The following KIF26B variants were observed in gnomAD, a reference collection of about 807,000 sequenced individuals.
KIF26B encodes kinesin family member 26B.
Under a neutral mutation model 151.2 loss-of-function variants are expected in KIF26B, and 63 were observed. The observed-to-expected ratio is 0.42, with a 90% CI of 0.34 to 0.51. The LOEUF is 0.51. KIF26B is among the 20% of genes least tolerant of loss of function. The pLI is 0.07. For synonymous variants in KIF26B, 1,357 were observed against 1,262.1 expected, an observed-to-expected ratio of 1.08 and a Z score of -1.59; for missense variants, 2,813 against 2,913.6, an observed-to-expected ratio of 0.97 and a Z score of 0.79.
chr1:245,380,664 C>A (rs1673385506), intron 3 of KIF26B, among the ~76,000 whole-genome samples: 1 of 152,172 alleles, frequency 6.6e-6, no homozygotes, highest in South Asian at 2.1e-4. Context: ...AAACACAGGT[C>A]TCCCATGCAT....
At chr1:245,221,822 A>C (rs1373601516) in intron 2 of KIF26B, among the ~76,000 whole-genome samples, 1 of 152,234 alleles carries the variant, frequency 6.6e-6, no homozygotes, top group Non-Finnish European at 1.5e-5. Context: ...GTAAAATTTT[A>C]AATGTGATTG....
rs1670174261 is a variant in KIF26B at position 245,239,524 on chromosome 1, G to C, written c.465+82841G>C. On this transcript the variant is annotated intron_variant, in intron 2 of 14. Coordinates refer to ENST00000407071, the MANE Select transcript of KIF26B (RefSeq NM_018012.4). The surrounding 1 kb of genome is among the most constrained non-coding windows in gnomAD (Gnocchi z 4.3). ...TGTTTGGGTTTTCATTGTTGTTTTA[G>C]ACAGAGTCTCTCTCTGTCGCCCAGG... 6.6e-6 allele frequency among the ~76,000 whole-genome samples: 1 copy of C among 152,092 alleles called. No individual in the cohort carries two copies. The highest frequency in any genetic ancestry group is 2.1e-4 in the South Asian group (1 of 4,818).
At chr1:245,480,832 C>G (rs1660153903) in intron 4 of KIF26B, among the ~76,000 whole-genome samples, 1 of 150,664 alleles carries the variant, frequency 6.6e-6, no homozygotes. Context: ...GATAGAAACC[C>G]TTAGAATCAT....
chr1:245,632,067 C>A (rs369559933), intron 9 of KIF26B, among the ~76,000 whole-genome samples: 363 of 151,854 alleles, frequency 2.4e-3, no homozygotes, highest in South Asian at 0.01. Context: ...TTTATTCTTT[C>A]TTCTGATTTT....
chr1:245,345,363 T>A (rs79890026), intron 2 of KIF26B, among the ~76,000 whole-genome samples: 2 of 152,118 alleles, frequency 1.3e-5, no homozygotes, highest in African/African-American at 2.4e-5. Flanking sequence ...TCTAACCACC[T>A]CGAGCCTTGC....
At chr1:245,487,786 CA>C (rs11315762) in intron 4 of KIF26B, among the ~76,000 whole-genome samples, 141,155 of 143,140 alleles carry the variant, frequency 0.99, 69,634 homozygotes, top group Middle Eastern at 1. Context: ...TTTTTTGAGA[CA>C]AGAGTCTCGC....
In KIF26B at chr1:245,241,140, G is replaced by A. The variant is rs759938997; in HGVS notation, c.465+84457G>A. 6.6e-5 allele frequency among the ~76,000 whole-genome samples: 10 copies of A among 152,164 alleles called. No individual in the cohort carries two copies. The highest frequency in any genetic ancestry group is 1.0e-4 in the Non-Finnish European group (7 of 68,032). ...CATCGGTAGTGAGCAGTTTCTTCCCGTTACCAGTAAATGTCGGAATTTCCT... is the reference window on the plus strand; with the variant it reads ...CATCGGTAGTGAGCAGTTTCTTCCCATTACCAGTAAATGTCGGAATTTCCT... On this transcript the variant is annotated intron_variant, in intron 2 of 14. Coordinates refer to ENST00000407071, the MANE Select transcript of KIF26B (RefSeq NM_018012.4). This position sits in a 1 kb window ranked among gnomAD's most constrained non-coding sequence, Gnocchi z 5.0.
At chr1:245,588,672 T>A (rs970839636) in intron 5 of KIF26B, among the ~76,000 whole-genome samples, 3 of 152,222 alleles carry the variant, frequency 2.0e-5, no homozygotes, top group African/African-American at 7.2e-5. Context: ...AAGGAACTCT[T>A]ACGTGGAAAT....
chr1:245,440,029 G>A (rs1283997408), intron 4 of KIF26B, among the ~76,000 whole-genome samples: 8 of 152,142 alleles, frequency 5.3e-5, no homozygotes, highest in Non-Finnish European at 1.2e-4. Flanking sequence ...AGACCATCCT[G>A]GCTAACACGG....
rs12021958 is a variant in KIF26B at position 245,393,064 on chromosome 1, G to A, written c.999+25697G>A. The stretch of plus-strand genomic sequence containing the variant: ...CAGATGCCTGTAATCCTAGCTACTC[G>A]GGAGGCTGAGGCAGGAGAATCTCTT... On this transcript the variant is annotated intron_variant, in intron 3 of 14. Transcript: ENST00000407071. 1.9e-4 allele frequency among the ~76,000 whole-genome samples: 29 copies of A among 152,206 alleles called. No individual in the cohort carries two copies. In the East Asian group the frequency reaches 4.4e-3, roughly 23 times the overall value.
chr1:245,655,842 TTG>T (rs2044067208), intron 10 of KIF26B, among the ~76,000 whole-genome samples: 1 of 152,176 alleles, frequency 6.6e-6, no homozygotes, highest in Non-Finnish European at 1.5e-5. Context: ...CGTTCAGAGA[TTG>T]TCAAGGCCAA....
intron 8 of KIF26B, among the ~76,000 whole-genome samples, chr1:245,611,072 A>G (rs2043515293): frequency 6.6e-6 from 1 of 152,242 alleles, no homozygotes; most frequent in African/African-American, 2.4e-5. Context: ...GTATTTTCAT[A>G]AGATTCAGAC....
chr1:245,607,622 C>T (rs778018947), intron 6 of KIF26B, 29 bp from the exon 7 acceptor site: 14 of 1,573,534 alleles, frequency 8.9e-6, no homozygotes, highest in South Asian at 4.6e-5. Flanking sequence ...GGTCCATTCA[C>T]GGCTCGTGTC....
At chr1:245,255,447 T>A (rs1670515073) in intron 2 of KIF26B, among the ~76,000 whole-genome samples, 1 of 152,218 alleles carries the variant, frequency 6.6e-6, no homozygotes, top group Admixed American at 6.5e-5. Flanking sequence ...TAGATTGAAA[T>A]CAGAAACATG....
Position 245,192,103 on chromosome 1 carries a change from T to C in KIF26B, c.465+35420T>C, listed in dbSNP as rs1007054071. On this transcript the variant is annotated intron_variant, in intron 2 of 14. Transcript: ENST00000407071. ...ATGCACAAAAGTATTTCCTGAAGCA[T>C]TTAAAAAAAATAATTATAAAGAATT... is the stretch of plus-strand genomic sequence containing the variant. Among the ~76,000 whole-genome samples, 7 of 152,172 alleles carry C rather than the reference T, an allele frequency of 4.6e-5. No individual in the cohort carries two copies. In the South Asian group the frequency reaches 1.0e-3, roughly 23 times the overall value.
At chr1:245,353,356 G>A (rs2103001574) in intron 2 of KIF26B, among the ~76,000 whole-genome samples, 1 of 152,320 alleles carries the variant, frequency 6.6e-6, no homozygotes, top group South Asian at 2.1e-4. Context: ...CGCTCAAGAT[G>A]TTCTGCCGGC....
At chr1:245,164,162 T>C (rs1400897113) in intron 2 of KIF26B, among the ~76,000 whole-genome samples, 1 of 152,200 alleles carries the variant, frequency 6.6e-6, no homozygotes, top group Non-Finnish European at 1.5e-5. Context: ...TAGGAATGGG[T>C]ATTATATTTT....
chr1:245,408,602 G>A (rs1008473251), intron 3 of KIF26B, among the ~76,000 whole-genome samples: 2 of 152,144 alleles, frequency 1.3e-5, no homozygotes, highest in African/African-American at 2.4e-5. Context: ...TGATCCACCC[G>A]CCTCGGCCTC....
intron 4 of KIF26B, among the ~76,000 whole-genome samples, chr1:245,460,941 C>T (rs567989229): frequency 1.3e-5 from 2 of 152,246 alleles, no homozygotes; most frequent in African/African-American, 2.4e-5. Context: ...AAATAGTGAC[C>T]GAAAACAAAT....
Sources: gnomAD v4.1 joint callset for allele counts (sites outside exome capture counted in the v4.1 genomes callset) on GRCh38, gnomAD v4.1.1 for gene constraint, Gnocchi (gnomAD v3.1) non-coding constraint, MANE v1.5 for transcripts, NCBI Gene and HGNC (gene_info 2026-07-23, HGNC 2026-07-21) for gene names.